Variants in BANK1 observed in about 807,000 individuals in gnomAD.
The protein encoded by BANK1 is B cell scaffold protein with ankyrin repeats 1.
Under a neutral mutation model 94.5 loss-of-function variants are expected in BANK1, and 95 were observed. The observed-to-expected ratio is 1.00, with a 90% CI of 0.85 to 1.19. The LOEUF is 1.19. BANK1 is among the 50% of genes most tolerant of loss of function. The pLI, the probability that BANK1 is intolerant of heterozygous loss-of-function variation, is 0.00. For synonymous variants in BANK1, 334 were observed against 308.4 expected (o/e 1.08, Z -0.87); for missense variants, 987 against 932.2 (o/e 1.06, Z -0.77).
chr4:101,963,198 C>T (rs908306668), intron 7 of BANK1, among the ~76,000 whole-genome samples: 8 of 152,042 alleles, frequency 5.3e-5, no homozygotes, highest in Admixed American at 1.3e-4. Context: ...TCCTATTAGT[C>T]TTTCTTTCCA....
intron 7 of BANK1, among the ~76,000 whole-genome samples, chr4:101,924,810 G>T (rs181602170): frequency 2.6e-5 from 4 of 151,672 alleles, no homozygotes; most frequent in African/African-American, 9.7e-5. Context: ...TAAGCATAAT[G>T]TATTATATTC....
intron 7 of BANK1, among the ~76,000 whole-genome samples, chr4:101,960,021 G>C (rs759864407): frequency 3.9e-5 from 6 of 152,124 alleles, no homozygotes; most frequent in Non-Finnish European, 2.9e-5. Context: ...AGAAATGGGT[G>C]GGTGCACTCC....
intron 7 of BANK1, among the ~76,000 whole-genome samples, chr4:102,017,379 C>A (rs1317184411): frequency 6.6e-6 from 1 of 152,158 alleles, no homozygotes; most frequent in East Asian, 1.9e-4. Context: ...AAGGACAGGT[C>A]CTCAAGCCTG....
At chr4:102,055,046 G>A (rs540491475) in intron 11 of BANK1, among the ~76,000 whole-genome samples, 6 of 151,848 alleles carry the variant, frequency 4.0e-5, no homozygotes, top group Non-Finnish European at 5.9e-5. Context: ...ATACATCCCC[G>A]AAAATACCAA....
chr4:102,032,908 A>T (rs1727370844), intron 10 of BANK1, among the ~76,000 whole-genome samples: 1 of 151,808 alleles, frequency 6.6e-6, no homozygotes, highest in Non-Finnish European at 1.5e-5. Context: ...AAAAAAAAAA[A>T]ATGAAGCACC....
chr4:102,054,854 C>T (rs1718890281), intron 11 of BANK1, among the ~76,000 whole-genome samples: 1 of 151,996 alleles, frequency 6.6e-6, no homozygotes, highest in Non-Finnish European at 1.5e-5. Context: ...ATTGCTTTTC[C>T]TTCTTGTATA....
intron 6 of BANK1, among the ~76,000 whole-genome samples, chr4:101,904,619 A>G (rs1366483713): frequency 3.3e-5 from 5 of 151,148 alleles, no homozygotes; most frequent in African/African-American, 4.9e-5. Context: ...CCAGGGACAT[A>G]CCCCATTTCA....
intron 7 of BANK1, among the ~76,000 whole-genome samples, chr4:101,942,765 G>T (rs1326720109): frequency 6.6e-6 from 1 of 151,772 alleles, no homozygotes; most frequent in African/African-American, 2.4e-5. Context: ...TAGAAAAATA[G>T]CAAAGTATCA....
chr4:102,040,728 C>A (rs2148954959), intron 10 of BANK1, among the ~76,000 whole-genome samples: 1 of 152,170 alleles, frequency 6.6e-6, no homozygotes, highest in Non-Finnish European at 1.5e-5. Flanking sequence ...ACATAGCATT[C>A]CACTTAAATT....
intron 5 of BANK1, among the ~76,000 whole-genome samples, chr4:101,881,915 G>A (rs1728690459): frequency 6.6e-6 from 1 of 151,916 alleles, no homozygotes. Flanking sequence ...GGTTACCAGA[G>A]GCTGGAATGA....
intron 7 of BANK1, among the ~76,000 whole-genome samples, chr4:101,986,851 A>ATG (rs1725506713): frequency 1.4e-5 from 1 of 70,894 alleles, no homozygotes; most frequent in African/African-American, 4.8e-5. Context: ...ATGTGTATAT[A>ATG]TATGTATATA....
At chr4:101,792,369 T>C (rs1030377040) in intron 1 of BANK1, among the ~76,000 whole-genome samples, 3 of 141,448 alleles carry the variant, frequency 2.1e-5, no homozygotes, top group Non-Finnish European at 3.0e-5. Flanking sequence ...TAAAAACGAA[T>C]TGTCTTTTGA....
intron 9 of BANK1, 77 bp from the exon 10 acceptor site, chr4:102,029,883 C>A (rs888918454): frequency 1.7e-5 from 25 of 1,444,718 alleles, no homozygotes; most frequent in Non-Finnish European, 2.2e-5. Flanking sequence ...TTGGGAAGCT[C>A]AAAAAAGTGA....
At chr4:101,889,786 TTCTC>T (rs1332184751) in intron 5 of BANK1, among the ~76,000 whole-genome samples, 1 of 152,090 alleles carries the variant, frequency 6.6e-6, no homozygotes, top group Admixed American at 6.5e-5. Context: ...ATTTGAGACT[TTCTC>T]TCTTTTCCAA....
In BANK1 at chr4:102,003,257, TA is replaced by T. The variant is rs538357406; in HGVS notation, c.1207-18253del. 3.2e-4 allele frequency among the ~76,000 whole-genome samples: 48 copies of T among 152,338 alleles called. No individual in the cohort carries two copies. The South Asian group carries it at 9.7e-3, about 31-fold the overall frequency. ...ATATTGTTGTGTAAAAAAGCCATCC[TA>T]AAACTCAGTGGATTAAAACCATGAC... On this transcript the variant is annotated intron_variant, in intron 7 of 16. Coordinates refer to ENST00000322953, the MANE Select transcript of BANK1 (RefSeq NM_017935.5).
chr4:101,816,047 C>T (rs1406933984), intron 1 of BANK1, among the ~76,000 whole-genome samples: 1 of 152,140 alleles, frequency 6.6e-6, no homozygotes, highest in African/African-American at 2.4e-5. Context: ...TGCCAGAGGA[C>T]AAGGAATTTC....
intron 1 of BANK1, 41 bp downstream of exon 1, chr4:101,790,991 G>C (rs1724962983): frequency 7.0e-7 from 1 of 1,426,538 alleles, no homozygotes; most frequent in Non-Finnish European, 9.2e-7. Context: ...CGCCGAGGCC[G>C]GGCTACGGGG....
At chr4:101,918,257 A>C (rs542976431) in intron 7 of BANK1, 68 bp downstream of exon 7, 20 of 1,119,666 alleles carry the variant, frequency 1.8e-5, no homozygotes, top group Non-Finnish European at 2.3e-5. Context: ...CTGTAAGAAG[A>C]AAAAACCTAT....
chr4:101,816,072 T>C (rs1356937997), intron 1 of BANK1, among the ~76,000 whole-genome samples: 1 of 152,208 alleles, frequency 6.6e-6, no homozygotes. Flanking sequence ...ATGAGTTTTC[T>C]TACAACCATA....
Sources: allele counts gnomAD v4.1 joint callset (sites outside exome capture counted in the v4.1 genomes callset), GRCh38; gene constraint gnomAD v4.1.1; transcripts MANE v1.5; gene names NCBI Gene and HGNC (gene_info 2026-07-23, HGNC 2026-07-21).